The following PRKCQ variants were observed in gnomAD, a reference collection of about 807,000 sequenced individuals.
The protein encoded by PRKCQ is protein kinase C theta.
In PRKCQ, 41 loss-of-function variants were observed where a neutral mutation model predicts 91.2. That is an observed-to-expected ratio of 0.45 (90% CI 0.35 to 0.58). PRKCQ has a LOEUF of 0.58. Ranked by LOEUF, PRKCQ falls within the 20% of genes least tolerant of loss-of-function variation. The pLI is 0.00. For missense variants in PRKCQ, 673 were observed against 896.5 expected (o/e 0.75, Z 3.18); for synonymous variants, 307 against 316.9 (o/e 0.97, Z 0.33).
chr10:6,475,386 C>T (rs1305747463), intron 12 of PRKCQ, among the ~76,000 whole-genome samples: 1 of 152,208 alleles, frequency 6.6e-6, no homozygotes, highest in African/African-American at 2.4e-5. Context: ...GGAATTTTCA[C>T]ATTTTGTAGC....
chr10:6,482,003 T>A (rs1018181784), intron 11 of PRKCQ, among the ~76,000 whole-genome samples: 3 of 151,856 alleles, frequency 2.0e-5, no homozygotes, highest in African/African-American at 7.3e-5. Flanking sequence ...CCCCTTTTTT[T>A]TTTTTTTGCT....
At chr10:6,564,569 G>A (rs1261983507) in intron 1 of PRKCQ, among the ~76,000 whole-genome samples, 7 of 151,974 alleles carry the variant, frequency 4.6e-5, no homozygotes, top group African/African-American at 1.7e-4. Flanking sequence ...CAACCTCCTA[G>A]CTGCATCCAC....
At chr10:6,482,623 G>A (rs2130776372) in intron 11 of PRKCQ, among the ~76,000 whole-genome samples, 1 of 152,292 alleles carries the variant, frequency 6.6e-6, no homozygotes, top group South Asian at 2.1e-4. Context: ...CAGTATGTGA[G>A]ATTTTGTTAT....
At chr10:6,578,814 T>C (rs750504338) in intron 1 of PRKCQ, among the ~76,000 whole-genome samples, 38 of 151,784 alleles carry the variant, frequency 2.5e-4, no homozygotes, top group Non-Finnish European at 4.7e-4. Flanking sequence ...AGATTAAGCA[T>C]CCGCAGTAAG....
chr10:6,400,556 C>T, the PRKCQ span, among the ~76,000 whole-genome samples: 1,087 of 151,574 alleles, frequency 7.2e-3, 9 homozygotes, highest in African/African-American at 0.025. Context: ...TCCCACGTCC[C>T]GTGTCTCGGC....
chr10:6,524,493 G>T (rs925005361), intron 1 of PRKCQ, among the ~76,000 whole-genome samples: 3 of 152,110 alleles, frequency 2.0e-5, no homozygotes, highest in African/African-American at 7.2e-5. Context: ...CGTATTCCAA[G>T]CGCATGTCTG....
chr10:6,464,180 C>A (rs1835507025), intron 13 of PRKCQ, 133 bp downstream of exon 13: 2 of 778,258 alleles, frequency 2.6e-6, no homozygotes, highest in African/African-American at 3.5e-5. Context: ...AAAACTGTCG[C>A]CTTGCTCGAT....
chr10:6,533,006 T>A (rs1839446002), intron 1 of PRKCQ, among the ~76,000 whole-genome samples: 1 of 152,230 alleles, frequency 6.6e-6, no homozygotes. Flanking sequence ...TTTTGTTTTT[T>A]TAAAAAATAG....
chr10:6,469,810 A>T (rs558038908), intron 12 of PRKCQ, among the ~76,000 whole-genome samples: 1 of 152,188 alleles, frequency 6.6e-6, no homozygotes, highest in Admixed American at 6.5e-5. Flanking sequence ...ACAAAAGAAC[A>T]TAACAAATCA....
chr10:6,416,969 A>T, the PRKCQ span, among the ~76,000 whole-genome samples: 3 of 152,362 alleles, frequency 2.0e-5, no homozygotes, highest in East Asian at 5.8e-4. Context: ...GTCATTTTAT[A>T]GCCAGACCTG....
chr10:6,558,857 C>T (rs944271100), intron 1 of PRKCQ, among the ~76,000 whole-genome samples: 5 of 152,120 alleles, frequency 3.3e-5, no homozygotes, highest in Admixed American at 6.5e-5. Flanking sequence ...AAGGGGGCGA[C>T]GAGAAACTTC....
At chr10:6,453,675 G>A (rs1421588595) in intron 15 of PRKCQ, among the ~76,000 whole-genome samples, 8 of 152,114 alleles carry the variant, frequency 5.3e-5, no homozygotes, top group Non-Finnish European at 1.2e-4. Context: ...CAACCCAAAT[G>A]TCCAAAAATG....
chr10:6,492,238 TAAAAAAA>T (rs5782902), intron 7 of PRKCQ, among the ~76,000 whole-genome samples: 19 of 147,326 alleles, frequency 1.3e-4, no homozygotes, highest in Non-Finnish European at 9.0e-5. Flanking sequence ...TTGGAAGATG[TAAAAAAA>T]AAAAAAAAAA....
In PRKCQ at chr10:6,441,858, C is replaced by T. The variant is rs750529916; in HGVS notation, c.1836+35G>A. The T allele has an allele frequency of 1.5e-5, 24 of 1,559,278 alleles. No individual in the cohort carries two copies. The Middle Eastern group carries it at 8.5e-4, about 55-fold the overall frequency. ...AAAACTGACCAGAAGACCTAATGCT[C>T]GTCTTATGAAGACGCTCTTGGCTTC... On this transcript the variant is annotated intron_variant, in intron 16 of 17. Transcript: ENST00000263125.
intron 1 of PRKCQ, among the ~76,000 whole-genome samples, chr10:6,564,877 T>C (rs1840781629): frequency 6.6e-6 from 1 of 152,240 alleles, no homozygotes; most frequent in African/African-American, 2.4e-5. Context: ...ACTGTCAATA[T>C]ATACCCACTT....
chr10:6,447,373 C>T (rs887252117), intron 15 of PRKCQ, among the ~76,000 whole-genome samples: 9 of 149,572 alleles, frequency 6.0e-5, no homozygotes, highest in Non-Finnish European at 1.2e-4. Flanking sequence ...TGCCACTGCA[C>T]TCCAGCCTGG....
chr10:6,569,843 C>T (rs1367653614), intron 1 of PRKCQ, among the ~76,000 whole-genome samples: 5 of 151,982 alleles, frequency 3.3e-5, no homozygotes, highest in Admixed American at 6.6e-5. Context: ...GGTGGTGCAT[C>T]CAGTTTGGGG....
chr10:6,539,951 G>A (rs975411673), intron 1 of PRKCQ, among the ~76,000 whole-genome samples: 3 of 152,140 alleles, frequency 2.0e-5, no homozygotes, highest in African/African-American at 7.2e-5. Context: ...TCCTGATTCT[G>A]CCCTCTGGTT....
In PRKCQ at chr10:6,497,155, T is replaced by C. The variant is rs772347100; in HGVS notation, c.575-35A>G. Reference sequence around the variant, plus strand: ...AGAAAAAAATCACAGCTTAAGATTTTCATAGCCTAAGGAATAACTAAATAA... The same window carrying C: ...AGAAAAAAATCACAGCTTAAGATTTCCATAGCCTAAGGAATAACTAAATAA... On this transcript the variant is annotated intron_variant, in intron 6 of 17. Transcript: ENST00000263125. The surrounding 1 kb of genome is among the most constrained non-coding windows in gnomAD (Gnocchi z 4.5). 13 of 1,613,808 alleles carry C rather than the reference T, an allele frequency of 8.1e-6. No individual in the cohort carries two copies. In the African/African-American group the frequency reaches 1.7e-4, roughly 22 times the overall value.
Sources: gnomAD v4.1 joint callset for allele counts (sites outside exome capture counted in the v4.1 genomes callset) on GRCh38, gnomAD v4.1.1 for gene constraint, Gnocchi (gnomAD v3.1) non-coding constraint, MANE v1.5 for transcripts, NCBI Gene and HGNC (gene_info 2026-07-23, HGNC 2026-07-21) for gene names.